The following CEP192 variants were observed in gnomAD, a reference collection of about 807,000 sequenced individuals.
CEP192 encodes the protein centrosomal protein 192, also known as centrosomal protein of 192 kDa.
Under a neutral mutation model 271.8 loss-of-function variants are expected in CEP192, and 151 were observed. The observed-to-expected ratio is 0.56, with a 90% CI of 0.49 to 0.64. CEP192 has a LOEUF of 0.64. Ranked by LOEUF, CEP192 falls within the 30% of genes least tolerant of loss-of-function variation. CEP192 has a pLI of 0.00. For synonymous variants in CEP192, 995 were observed against 1,076.5 expected (o/e 0.92, Z 1.48); for missense variants, 2,910 against 3,020.5 (o/e 0.96, Z 0.86).
intron 14 of CEP192, among the ~76,000 whole-genome samples, chr18:13,041,960 G>A (rs889043679): frequency 4.6e-5 from 7 of 152,180 alleles, no homozygotes; most frequent in Non-Finnish European, 1.0e-4. Flanking sequence ...ATTTGCAAGG[G>A]AAAGATTAAA....
chr18:13,042,184 A>C lies in CEP192; in HGVS notation c.1937-20A>C, dbSNP rs1162299146. The C allele has an allele frequency of 1.2e-6, 2 of 1,602,216 alleles. No homozygotes were observed. The highest frequency in any genetic ancestry group is 1.3e-5 in the African/African-American group (1 of 74,722). On this transcript the variant is annotated intron_variant, in intron 14 of 44. Transcript: ENST00000506447. The stretch of plus-strand genomic sequence containing the variant: ...CAAATAGTGTATACTTATAAGTTGA[A>C]TATTATATATTTCCTGCAGGAGATT...
intron 21 of CEP192, among the ~76,000 whole-genome samples, 167 bp downstream of exon 21, chr18:13,059,479 ATT>A (rs1354200767): frequency 6.6e-6 from 1 of 152,220 alleles, no homozygotes; most frequent in Non-Finnish European, 1.5e-5. Flanking sequence ...ATTTAAAATT[ATT>A]TTTAGTTTTA....
chr18:13,082,948 C>T (rs1482153771), intron 30 of CEP192, among the ~76,000 whole-genome samples: 1 of 152,076 alleles, frequency 6.6e-6, no homozygotes, highest in East Asian at 1.9e-4. Context: ...GAATATTGGC[C>T]CCCACTCTGT....
intron 21 of CEP192, among the ~76,000 whole-genome samples, chr18:13,060,228 G>T (rs1287633489): frequency 6.6e-6 from 1 of 152,152 alleles, no homozygotes; most frequent in African/African-American, 2.4e-5. Flanking sequence ...ATGTACCATT[G>T]TTCCCATACA....
At chr18:13,005,900 A>G (rs762599658) in intron 3 of CEP192, among the ~76,000 whole-genome samples, 74 of 152,228 alleles carry the variant, frequency 4.9e-4, no homozygotes, top group Non-Finnish European at 9.0e-4. Flanking sequence ...TTTTGAAGAT[A>G]TTGCTACATT....
chr18:13,038,543 TC>T lies in CEP192; in HGVS notation c.1774del (p.Gly593ValfsTer9), dbSNP rs2036032876. The T allele has an allele frequency of 2.6e-6, 4 of 1,551,702 alleles. No individual in the cohort carries two copies. The highest frequency in any genetic ancestry group is 2.6e-6 in the Non-Finnish European group (3 of 1,146,986). ...GEFFAQRSEA[L>X]GCLGGGNNVK... The stretch of plus-strand genomic sequence containing the variant: ...AGTTCTTTGCTCAAAGATCTGAAGC[TC>T]TTGGTTGCCTTGGTGGTGGTAACAA... On this transcript the variant is annotated frameshift_variant, in exon 13 of 45. Transcript: ENST00000506447. LOFTEE classifies it high-confidence loss of function.
chr18:13,017,375 T>G, intron 7 of CEP192, 39 bp downstream of exon 7: 1 of 1,436,394 alleles, frequency 7.0e-7, no homozygotes, highest in Non-Finnish European at 9.3e-7. Flanking sequence ...AAATTTGACA[T>G]TAGAAAATTA....
intron 40 of CEP192, among the ~76,000 whole-genome samples, chr18:13,111,319 G>T (rs1326848297): frequency 6.6e-6 from 1 of 152,110 alleles, no homozygotes; most frequent in East Asian, 1.9e-4. Context: ...AGAGATGGGG[G>T]TTTCACCATG....
intron 36 of CEP192, among the ~76,000 whole-genome samples, chr18:13,098,092 C>T (rs1432578269): frequency 6.6e-6 from 1 of 152,370 alleles, no homozygotes; most frequent in African/African-American, 2.4e-5. Flanking sequence ...CTTTTCCCCA[C>T]CTTTCCCCCT....
chr18:13,055,834 T>C lies in CEP192; in HGVS notation c.3244T>C (p.Leu1082=), dbSNP rs1483248573. 12 of 1,610,466 alleles carry C rather than the reference T, an allele frequency of 7.5e-6. No individual in the cohort carries two copies. Among genetic ancestry groups the C allele is most frequent in the African/African-American group, 2.7e-5 (2 of 74,678 alleles). Residue 1082 remains leucine, a synonymous_variant, in exon 19 of 45, where the codon TTG becomes CTG. Transcript: ENST00000506447. ...TTIIQGSPAA[L]EERAMEKLRE... ...AATTATTCAAGGCAGTCCAGCCGCA[T>C]TGGAGGAACGGGCTATGGAAAAATT...
intron 19 of CEP192, 95 bp from the exon 20 acceptor site, chr18:13,057,490 G>A (rs1193436145): frequency 1.5e-6 from 2 of 1,377,448 alleles, no homozygotes; most frequent in Admixed American, 1.9e-5. Context: ...GTGTAAACAG[G>A]CCATCTTATA....
At chr18:13,070,180 A>G (rs1346913646) in intron 27 of CEP192, among the ~76,000 whole-genome samples, 1 of 152,104 alleles carries the variant, frequency 6.6e-6, no homozygotes, top group Non-Finnish European at 1.5e-5. Context: ...TTTTAATGAC[A>G]AAGTTTTACT....
rs1339736684 is a variant in CEP192, at chr18:13,029,734, T to G, written c.1122T>G (p.Phe374Leu). 6 of 1,551,472 alleles carry G rather than the reference T, an allele frequency of 3.9e-6. No homozygotes were observed. The highest frequency in any genetic ancestry group is 1.4e-5 in the African/African-American group (1 of 73,056). ...AIDVKLNSDN[F>L]HDANANRGGF... ...ATGTGAAACTTAACTCTGATAATTTTCATGATGCAAATGCCAATAGAGGTG... is the reference window on the plus strand; with the variant it reads ...ATGTGAAACTTAACTCTGATAATTTGCATGATGCAAATGCCAATAGAGGTG... Residue 374 changes from phenylalanine (F) to leucine (L), a missense_variant, in exon 10 of 45, where the codon TTT becomes TTG. Phe to Leu is a conservative substitution (Grantham distance 22). Transcript: ENST00000506447.
At position 13,050,993 on chromosome 18, in the gene CEP192, T is replaced by G. The variant is rs1452900286; in HGVS notation, c.3017+1102T>G. 2.6e-5 allele frequency among the ~76,000 whole-genome samples: 4 copies of G among 152,230 alleles called. No homozygotes were observed. The East Asian group carries it at 7.7e-4, about 29-fold the overall frequency. Reference sequence around the variant, plus strand: ...GTCTTTGGCTTACACGTTTTTTCCCTTATGTTTCTTATAGGTATTGCTTTA... The same window carrying G: ...GTCTTTGGCTTACACGTTTTTTCCCGTATGTTTCTTATAGGTATTGCTTTA... On this transcript the variant is annotated intron_variant, in intron 17 of 44. Transcript: ENST00000506447.
At chr18:13,067,700 G>A in intron 21 of CEP192, 131 bp from the exon 22 acceptor site, 1 of 647,516 alleles carries the variant, frequency 1.5e-6, no homozygotes, top group Non-Finnish European at 2.6e-6. Context: ...TAAATAGCCT[G>A]GGAAAATGTA....
At chr18:13,121,901 C>G (rs1261439250) in intron 44 of CEP192, among the ~76,000 whole-genome samples, 2 of 152,262 alleles carry the variant, frequency 1.3e-5, no homozygotes, top group African/African-American at 4.8e-5. Flanking sequence ...TGTGTGGGAA[C>G]AAATTTTATT....
At chr18:13,021,078 G>T (rs181543747) in intron 9 of CEP192, among the ~76,000 whole-genome samples, 8 of 152,196 alleles carry the variant, frequency 5.3e-5, no homozygotes, top group Admixed American at 5.2e-4. Context: ...ATGATGTAGT[G>T]TGATCTATTT....
intron 38 of CEP192, among the ~76,000 whole-genome samples, chr18:13,100,882 C>T (rs188690520): frequency 2.0e-4 from 30 of 152,258 alleles, no homozygotes; most frequent in Admixed American, 1.2e-3. Context: ...CCAGACAGGT[C>T]CAATAGACTT....
rs748487574 is a variant in CEP192, at chr18:13,069,137, C to A, written c.5011C>A (p.Pro1671Thr). The change falls in exon 26 of 45, where the codon CCT becomes ACT. Residue 1671 changes from proline to threonine, a missense_variant. By Grantham distance (38) the Pro-to-Thr change is conservative. Coordinates refer to ENST00000506447, the MANE Select transcript of CEP192 (RefSeq NM_032142.4). ...KVASSRKQHL[P>T]LKNAGNIEVY... ...GGCTTCCTCAAGAAAGCAGCACTTA[C>A]CTTTGAAAAATGCTGGGAACATTGA... 5.6e-6 allele frequency: 9 copies of A among 1,614,032 alleles called. No individual in the cohort carries two copies. The African/African-American group carries it at 8.0e-5, about 14-fold the overall frequency.
Sources: gnomAD v4.1 joint callset for allele counts (sites outside exome capture counted in the v4.1 genomes callset) on GRCh38, gnomAD v4.1.1 for gene constraint, MANE v1.5 for transcripts, NCBI Gene and HGNC (gene_info 2026-07-23, HGNC 2026-07-21) for gene names.